The following PPP1R13B variants were observed in gnomAD, a reference collection of about 807,000 sequenced individuals.
PPP1R13B encodes apoptosis-stimulating of p53 protein 1.
PPP1R13B carries 44 observed loss-of-function variants against 119.8 expected under a neutral mutation model. The ratio of observed to expected loss-of-function variants is 0.37; its 90% CI spans 0.29 to 0.47. PPP1R13B has a LOEUF of 0.47. PPP1R13B is among the 20% of genes least tolerant of loss of function. The pLI is 0.99. For synonymous variants in PPP1R13B, 542 were observed against 561.5 expected (o/e 0.97, Z 0.49); for missense variants, 1,227 against 1,413.5 (o/e 0.87, Z 2.12).
chr14:103,808,616 G>A (rs1034289046), intron 1 of PPP1R13B, among the ~76,000 whole-genome samples: 4 of 152,034 alleles, frequency 2.6e-5, no homozygotes, highest in Non-Finnish European at 5.9e-5. Context: ...GCAGGGTAAC[G>A]GGGGTGAGTT....
At chr14:103,846,985 T>C in intron 1 of PPP1R13B, 14 of 1,184,222 alleles carry the variant, frequency 1.2e-5, no homozygotes, top group East Asian at 6.1e-5. Flanking sequence ...ACCAGACCTG[T>C]GCCCCAGCGT....
At chr14:103,776,854 AGAGT>A (rs2085211253) in intron 4 of PPP1R13B, among the ~76,000 whole-genome samples, 1 of 151,128 alleles carries the variant, frequency 6.6e-6, no homozygotes, top group African/African-American at 2.4e-5. Context: ...CCTGGGCGAC[AGAGT>A]GAGACTCTGC....
At chr14:103,847,087 G>A in intron 1 of PPP1R13B, 2 of 993,110 alleles carry the variant, frequency 2.0e-6, no homozygotes, top group South Asian at 4.3e-5. Flanking sequence ...GGAAGGGCCC[G>A]CAGGCGGCCC....
chr14:103,824,122 T>G (rs1361334434), intron 1 of PPP1R13B, among the ~76,000 whole-genome samples: 2 of 147,642 alleles, frequency 1.4e-5, no homozygotes, highest in Non-Finnish European at 3.0e-5. Context: ...CTCGGCTCAT[T>G]GCGACCTCCA....
intron 1 of PPP1R13B, among the ~76,000 whole-genome samples, chr14:103,798,997 G>GT (rs751234006): frequency 6.7e-6 from 1 of 149,698 alleles, no homozygotes; most frequent in Non-Finnish European, 1.5e-5. Context: ...GTGTTTTTTT[G>GT]TTTGTTTGTT....
At chr14:103,757,095 C>T (rs1363837043) in intron 5 of PPP1R13B, among the ~76,000 whole-genome samples, 1 of 148,548 alleles carries the variant, frequency 6.7e-6, no homozygotes, top group Non-Finnish European at 1.5e-5. Flanking sequence ...GTCTCACTTA[C>T]TCTGTCACCC....
At chr14:103,755,326 G>C (rs2084651126) in intron 5 of PPP1R13B, among the ~76,000 whole-genome samples, 1 of 152,188 alleles carries the variant, frequency 6.6e-6, no homozygotes, top group South Asian at 2.1e-4. Context: ...ACACTGAAAA[G>C]AGATAAAGGT....
chr14:103,824,018 T>G (rs567433731), intron 1 of PPP1R13B, among the ~76,000 whole-genome samples: 2 of 147,930 alleles, frequency 1.4e-5, no homozygotes, highest in African/African-American at 5.0e-5. Context: ...TTTTGTCAGC[T>G]GAAAAACATT....
chr14:103,838,283 A>G (rs1008952535), intron 1 of PPP1R13B, among the ~76,000 whole-genome samples: 5 of 152,016 alleles, frequency 3.3e-5, no homozygotes. Flanking sequence ...GACCTTCCAC[A>G]TCATATCTTT....
Position 103,742,359 on chromosome 14 carries a change from T to C in PPP1R13B, c.1321-68A>G. The C allele has an allele frequency of 6.7e-7, 1 of 1,482,996 alleles. No individual in the cohort carries two copies. The highest frequency in any genetic ancestry group is 9.0e-7 in the Non-Finnish European group (1 of 1,117,088). The allele number at this position is 1,482,996 out of a possible 1,614,324, so 91.9% of individuals were successfully genotyped here. On this transcript the variant is annotated intron_variant, in intron 10 of 16. Transcript: ENST00000202556. This position sits in a 1 kb window ranked among gnomAD's most constrained non-coding sequence, Gnocchi z 4.9. The stretch of plus-strand genomic sequence containing the variant: ...ACAGTTAAGAATATTTCCACCCACA[T>C]TCCCAAGAGAATACACAGTAGAATT...
At chr14:103,822,334 C>T (rs774257318) in intron 1 of PPP1R13B, among the ~76,000 whole-genome samples, 12 of 152,120 alleles carry the variant, frequency 7.9e-5, no homozygotes, top group Middle Eastern at 6.8e-3. Flanking sequence ...GGGGTTTCGC[C>T]GTGTTGACCA....
chr14:103,819,093 G>A (rs1346194097), intron 1 of PPP1R13B, among the ~76,000 whole-genome samples: 1 of 152,178 alleles, frequency 6.6e-6, no homozygotes, highest in Admixed American at 6.5e-5. Flanking sequence ...AAGTGCAAAG[G>A]CCCTGAGGCA....
In PPP1R13B at chr14:103,738,567, T is replaced by G; in HGVS notation, c.2864+112A>C. 1 of 1,485,640 alleles carries G rather than the reference T, an allele frequency of 6.7e-7. No individual in the cohort carries two copies. The highest frequency in any genetic ancestry group is 9.1e-7 in the Non-Finnish European group (1 of 1,094,116). The allele number at this position is 1,485,640 out of a possible 1,614,324, so 92.0% of individuals were successfully genotyped here. ...TCTTTCAAGGATGAAATGATGGGTG[T>G]TCTTGCTCTAATTCTCTCTTCCGTG... On this transcript the variant is annotated intron_variant, in intron 14 of 16. Coordinates refer to ENST00000202556, the MANE Select transcript of PPP1R13B (RefSeq NM_015316.3). This position sits in a 1 kb window ranked among gnomAD's most constrained non-coding sequence, Gnocchi z 5.6.
chr14:103,734,760 A>AG lies in PPP1R13B; in HGVS notation c.*393dup, dbSNP rs1450602551. The AG allele has an allele frequency of 1.9e-5, 9 of 464,516 alleles. No homozygotes were observed. In the Admixed American group the frequency reaches 2.1e-4, roughly 11 times the overall value. The allele number at this position is 464,516 out of a possible 1,614,324, so 28.8% of individuals were successfully genotyped here. On this transcript the variant is annotated 3_prime_UTR_variant, in exon 17 of 17. Transcript: ENST00000202556. ...GGGGGCAGGGCGGTCGCAGGGGAGC[A>AG]GGCCTCACAGCGGCGGACAGTGTTC...
chr14:103,734,872 TA>T lies in PPP1R13B; in HGVS notation c.*281del, dbSNP rs1160028197. The T allele has an allele frequency of 1.9e-6, 1 of 535,632 alleles. No homozygotes were observed. Among genetic ancestry groups the T allele is most frequent in the African/African-American group, 1.9e-5 (1 of 52,860 alleles). The allele number at this position is 535,632 out of a possible 1,614,324, so 33.2% of individuals were successfully genotyped here. A position where few individuals can be genotyped will look rare whatever the true frequency, so the allele number is the denominator to read the frequency against. On this transcript the variant is annotated 3_prime_UTR_variant, in exon 17 of 17. Coordinates refer to ENST00000202556, the MANE Select transcript of PPP1R13B (RefSeq NM_015316.3). ...ACCAACCGGGGGTTATGGGACTTCT[TA>T]ATGGCAAGAGGGGTGGGTGTTTTGA...
At chr14:103,794,965 A>C (rs2085723551) in intron 2 of PPP1R13B, among the ~76,000 whole-genome samples, 1 of 151,670 alleles carries the variant, frequency 6.6e-6, no homozygotes, top group African/African-American at 2.4e-5. Context: ...TTTTTTTTTG[A>C]GACAGTCTCG....
At chr14:103,820,324 G>A (rs952948827) in intron 1 of PPP1R13B, among the ~76,000 whole-genome samples, 2 of 152,062 alleles carry the variant, frequency 1.3e-5, no homozygotes, top group Non-Finnish European at 2.9e-5. Context: ...GGCCAAATTC[G>A]CAGATCACCT....
upstream of PPP1R13B, chr14:103,847,604 G>C (rs2087090804): frequency 1.0e-6 from 1 of 986,106 alleles, no homozygotes; most frequent in South Asian, 4.5e-5. Flanking sequence ...TCGCTCTTCA[G>C]CCCCCGCAGG....
At chr14:103,744,946 G>A (rs140619321) in intron 9 of PPP1R13B, among the ~76,000 whole-genome samples, 49 of 152,320 alleles carry the variant, frequency 3.2e-4, no homozygotes, top group Admixed American at 5.2e-4. Flanking sequence ...CAACAAGGAC[G>A]GGACACAGGA....
Sources: gnomAD v4.1 joint callset for allele counts (sites outside exome capture counted in the v4.1 genomes callset) on GRCh38, gnomAD v4.1.1 for gene constraint, Gnocchi (gnomAD v3.1) non-coding constraint, MANE v1.5 for transcripts, NCBI Gene and HGNC (gene_info 2026-07-23, HGNC 2026-07-21) for gene names.